The following DPP6 variants were observed in gnomAD, a reference collection of about 807,000 sequenced individuals.
DPP6 encodes dipeptidyl peptidase like 6, also known as A-type potassium channel modulatory protein DPP6.
Under a neutral mutation model 122.6 loss-of-function variants are expected in DPP6, and 69 were observed. That is an observed-to-expected ratio of 0.56 (90% CI 0.46 to 0.69). The LOEUF (loss-of-function observed/expected upper bound fraction) is 0.69, where lower values mean the gene tolerates loss of function less well. Among genes scored for constraint, DPP6 ranks in the 30% least tolerant of loss-of-function variants. The pLI is 0.00. For missense variants in DPP6, 928 were observed against 1,116.9 expected, an observed-to-expected ratio of 0.83 and a Z score of 2.41; for synonymous variants, 418 against 433.1, an observed-to-expected ratio of 0.97 and a Z score of 0.43.
intron 7 of DPP6, among the ~76,000 whole-genome samples, chr7:154,702,537 T>TGC (rs1467453169): frequency 3.3e-5 from 5 of 152,252 alleles, no homozygotes; most frequent in Non-Finnish European, 7.3e-5. Context: ...GGAGAAAGGT[T>TGC]TCATGCTCTG....
chr7:154,609,833 T>C (rs958625348), intron 5 of DPP6, among the ~76,000 whole-genome samples: 69 of 124,194 alleles, frequency 5.6e-4, no homozygotes, highest in African/African-American at 1.8e-3. Flanking sequence ...GTTAATGTAT[T>C]ATAAGTTATA....
At chr7:154,575,460 G>GGTA (rs1831564068) in intron 5 of DPP6, among the ~76,000 whole-genome samples, 1 of 12,436 alleles carries the variant, frequency 8.0e-5, no homozygotes, top group Non-Finnish European at 1.1e-4. Context: ...ATGTGTGTGN[G>GGTA]CGGGTGTATG....
intron 16 of DPP6, among the ~76,000 whole-genome samples, chr7:154,830,574 A>T (rs1192193223): frequency 6.6e-6 from 1 of 152,226 alleles, no homozygotes; most frequent in Non-Finnish European, 1.5e-5. Flanking sequence ...TTTCTTGAAG[A>T]AAAGGAAGTT....
At chr7:154,431,851 A>T (rs1481922181) in intron 1 of DPP6, among the ~76,000 whole-genome samples, 1 of 151,376 alleles carries the variant, frequency 6.6e-6, no homozygotes. Flanking sequence ...TCCCTTTCTT[A>T]CCCGACTTCC....
intron 3 of DPP6, among the ~76,000 whole-genome samples, chr7:154,496,697 T>C (rs545056620): frequency 1.8e-4 from 28 of 152,236 alleles, no homozygotes; most frequent in Non-Finnish European, 3.7e-4. Context: ...TCCAGCCTGC[T>C]GTGGAACAAA....
In DPP6 at chr7:154,437,934, G is replaced by GA. The variant is rs1287780772; in HGVS notation, c.244-8274dup. On this transcript the variant is annotated intron_variant, in intron 1 of 25. Coordinates refer to ENST00000377770, the MANE Select transcript of DPP6 (RefSeq NM_130797.4). ...CCTGGATGACAGTGAGACTCCATCT[G>GA]AAAAAATAACATAAAAATAAAATAA... 6.6e-5 allele frequency among the ~76,000 whole-genome samples: 10 copies of GA among 151,784 alleles called. No individual in the cohort carries two copies. The East Asian group carries it at 1.8e-3, about 27-fold the overall frequency.
intron 1 of DPP6, among the ~76,000 whole-genome samples, chr7:154,208,130 A>G (rs1275019263): frequency 6.6e-6 from 1 of 152,230 alleles, no homozygotes; most frequent in Non-Finnish European, 1.5e-5. Flanking sequence ...TATAAGTGTT[A>G]ACTAACTTGG....
intron 19 of DPP6, among the ~76,000 whole-genome samples, chr7:154,874,994 G>A (rs1804727619): frequency 6.6e-6 from 1 of 152,168 alleles, no homozygotes; most frequent in African/African-American, 2.4e-5. Context: ...CAGCTATTTG[G>A]AAGGCAAAAG....
intron 3 of DPP6, among the ~76,000 whole-genome samples, chr7:154,478,712 A>T (rs1239322673): frequency 6.6e-6 from 1 of 152,180 alleles, no homozygotes. Flanking sequence ...TGGTTTTTAT[A>T]AACTACCCTA....
chr7:153,898,656 T>C (rs1412526469), intron 1 of DPP6, among the ~76,000 whole-genome samples: 4 of 152,176 alleles, frequency 2.6e-5, no homozygotes, highest in African/African-American at 9.7e-5. Context: ...ATAGAGCCTT[T>C]GGGAAATGCT....
chr7:154,425,633 T>TGTGG (rs2151240267), intron 1 of DPP6, among the ~76,000 whole-genome samples: 1 of 132,336 alleles, frequency 7.6e-6, no homozygotes, highest in Non-Finnish European at 1.5e-5. Context: ...TGTGTGTGTG[T>TGTGG]GTGTGTGTGT....
At chr7:154,537,501 T>C (rs536012656) in intron 3 of DPP6, among the ~76,000 whole-genome samples, 35 of 152,092 alleles carry the variant, frequency 2.3e-4, no homozygotes, top group African/African-American at 7.2e-4. Context: ...AAGATTCCCA[T>C]AACCCAGGCA....
chr7:154,284,729 C>T (rs572668745), intron 1 of DPP6, among the ~76,000 whole-genome samples: 85 of 152,304 alleles, frequency 5.6e-4, no homozygotes, highest in African/African-American at 1.8e-3. Flanking sequence ...GTGGTGTGCA[C>T]CTGTAACCCC....
intron 1 of DPP6, among the ~76,000 whole-genome samples, chr7:154,372,223 G>A (rs1409308012): frequency 1.3e-5 from 2 of 152,164 alleles, no homozygotes; most frequent in Non-Finnish European, 2.9e-5. Flanking sequence ...GAAGGCTGGT[G>A]CTCGCTAATC....
chr7:154,443,565 GA>G (rs1006376186), intron 1 of DPP6, among the ~76,000 whole-genome samples: 78 of 150,208 alleles, frequency 5.2e-4, no homozygotes, highest in Non-Finnish European at 4.7e-4. Context: ...GACGGATGTG[GA>G]TGAATAGATG....
chr7:154,017,726 AT>A lies in DPP6; in HGVS notation c.51+129993del, dbSNP rs1203217226. Among the ~76,000 whole-genome samples the A allele has an allele frequency of 7.1e-4, 86 of 120,514 alleles. No homozygotes were observed. In the Middle Eastern group the frequency reaches 0.012, roughly 17 times the overall value. The allele number at this position is 120,514 out of a possible 152,430, so 79.1% of individuals were successfully genotyped here. ...AAAAAAATAAAAAAAAAATAAAAAAATAAAAAAAAAAAAAAGAAAAATATAA... is the reference window on the plus strand; with the variant it reads ...AAAAAAATAAAAAAAAAATAAAAAAAAAAAAAAAAAAAAAGAAAAATATAA... On this transcript the variant is annotated intron_variant, in intron 1 of 25. Coordinates refer to the DPP6 transcript ENST00000404039.
chr7:154,837,110 C>T (rs115604682), intron 16 of DPP6, among the ~76,000 whole-genome samples: 2,477 of 152,240 alleles, frequency 0.016, 76 homozygotes, highest in African/African-American at 0.056. Flanking sequence ...CCTGCATGCA[C>T]ACACACACAT....
chr7:153,822,955 T>C, the DPP6 span, among the ~76,000 whole-genome samples: 2 of 152,192 alleles, frequency 1.3e-5, no homozygotes, highest in African/African-American at 2.4e-5. Flanking sequence ...TTAAAATATA[T>C]CTTTAACATG....
At chr7:154,611,122 T>G (rs1833886447) in intron 5 of DPP6, among the ~76,000 whole-genome samples, 1 of 152,218 alleles carries the variant, frequency 6.6e-6, no homozygotes, top group South Asian at 2.1e-4. Flanking sequence ...TAATTATAGC[T>G]GTGATGGCCA....
Sources: allele counts gnomAD v4.1 joint callset (sites outside exome capture counted in the v4.1 genomes callset), GRCh38; gene constraint gnomAD v4.1.1; transcripts MANE v1.5; gene names NCBI Gene and HGNC (gene_info 2026-07-23, HGNC 2026-07-21).